DENND4A: variants seen among roughly 807,000 people sequenced by gnomAD.
DENND4A encodes DENN domain containing 4A, also known as C-myc promoter-binding protein.
In DENND4A, 70 loss-of-function variants were observed where a neutral mutation model predicts 199.3. The ratio of observed to expected loss-of-function variants is 0.35; its 90% CI spans 0.29 to 0.43. DENND4A has a LOEUF of 0.43. Among genes scored for constraint, DENND4A ranks in the 20% least tolerant of loss-of-function variants. The pLI is 1.00. For missense variants in DENND4A, 1,723 were observed against 2,255.8 expected (o/e 0.76, Z 4.78); for synonymous variants, 686 against 766.9 (o/e 0.89, Z 1.74).
chr15:65,697,371 T>A lies in DENND4A; in HGVS notation c.2846A>T (p.Asp949Val). Residue 949 changes from aspartate (D) to valine (V), a missense_variant, in exon 21 of 33, where the codon GAT becomes GTT. Transcript: ENST00000443035. ...TTTAGATAATGAATTATATCCAAGA[T>A]CAGACTGGCCACCTGGTAAAAACAA... ...DDRSSTGGQSDLGYNSLSKDE... is the reference protein window; with the variant it reads ...DDRSSTGGQSVLGYNSLSKDE... 6.3e-7 allele frequency: 1 copy of A among 1,599,976 alleles called. No individual in the cohort carries two copies. Among genetic ancestry groups the A allele is most frequent in the Non-Finnish European group, 8.5e-7 (1 of 1,173,150 alleles).
chr15:65,685,083 TC>T (rs1223729342), intron 23 of DENND4A, among the ~76,000 whole-genome samples: 1 of 151,632 alleles, frequency 6.6e-6, no homozygotes, highest in Non-Finnish European at 1.5e-5. Context: ...CGCCTCAGCC[TC>T]CCAAAGTTCT....
At chr15:65,771,624 G>A in intron 1 of DENND4A, 1 of 1,612,370 alleles carries the variant, frequency 6.2e-7, no homozygotes, top group South Asian at 1.1e-5. Context: ...TGTCAATGCT[G>A]ATGTTGTTGG....
intron 1 of DENND4A, chr15:65,766,791 G>A (rs2076999196): frequency 6.6e-6 from 1 of 152,162 alleles, no homozygotes; most frequent in Non-Finnish European, 1.5e-5. Flanking sequence ...CTAAGTTCCA[G>A]ACCGAAAATA....
rs1457092281 is a variant in DENND4A, at chr15:65,706,506, A to T, written c.1954-282T>A. ...CACACACACACACACATATATATAT[A>T]TATTTTTTTTTGAGACAGTCTTGCT... On this transcript the variant is annotated intron_variant, in intron 14 of 32. Transcript: ENST00000443035. 1.1e-3 allele frequency among the ~76,000 whole-genome samples: 144 copies of T among 126,660 alleles called. 2 individuals are homozygous for T. The highest frequency in any genetic ancestry group is 8.5e-3 in the East Asian group (16 of 1,884). The allele number at this position is 126,660 out of a possible 152,430, so 83.1% of individuals were successfully genotyped here.
At chr15:65,790,471 G>T (rs1567115909) in intron 1 of DENND4A, among the ~76,000 whole-genome samples, 1 of 152,074 alleles carries the variant, frequency 6.6e-6, no homozygotes, top group African/African-American at 2.4e-5. Flanking sequence ...AATGGAAGGG[G>T]CTTAAAAAAT....
intron 5 of DENND4A, among the ~76,000 whole-genome samples, chr15:65,740,529 T>C (rs774580358): frequency 2.0e-5 from 3 of 150,008 alleles, no homozygotes; most frequent in Non-Finnish European, 4.4e-5. Context: ...CTTGGGAGGC[T>C]GATGTGGGAG....
chr15:65,675,692 T>C (rs966568025), intron 24 of DENND4A, among the ~76,000 whole-genome samples: 3 of 152,080 alleles, frequency 2.0e-5, no homozygotes, highest in East Asian at 3.9e-4. Context: ...CTGACTGAAA[T>C]ACATTCCTCA....
chr15:65,756,203 A>G lies in DENND4A; in HGVS notation c.248T>C (p.Val83Ala), dbSNP rs2076697694. 4 of 1,611,742 alleles carry G rather than the reference A, an allele frequency of 2.5e-6. No homozygotes were observed. Among genetic ancestry groups the G allele is most frequent in the Non-Finnish European group, 1.7e-6 (2 of 1,178,824 alleles). ...ATAGCAAAGGTAAATCTGTGGCCCC[A>G]CAAGACTTCCATTATTAAGATCAGC... ...LSADLNNGSL[V>A]GPQIYLCYRR... Residue 83 changes from valine to alanine, a missense_variant, in exon 3 of 33, where the codon GTG becomes GCG. Val to Ala is a moderately conservative substitution (Grantham distance 64). Transcript: ENST00000443035.
intron 14 of DENND4A, among the ~76,000 whole-genome samples, chr15:65,708,901 C>T (rs774938659): frequency 6.6e-6 from 1 of 152,208 alleles, no homozygotes; most frequent in African/African-American, 2.4e-5. Flanking sequence ...ATGAAACTCA[C>T]ATAATTCTCA....
At chr15:65,754,977 T>A (rs2076662688) in intron 3 of DENND4A, among the ~76,000 whole-genome samples, 1 of 152,238 alleles carries the variant, frequency 6.6e-6, no homozygotes, top group African/African-American at 2.4e-5. Flanking sequence ...GCAATATTAT[T>A]TATAATAGCC....
intron 22 of DENND4A, among the ~76,000 whole-genome samples, chr15:65,694,374 A>G (rs2077071346): frequency 6.6e-6 from 1 of 151,984 alleles, no homozygotes; most frequent in African/African-American, 2.4e-5. Context: ...GCTTGAACCC[A>G]GGAAGCAGAG....
intron 11 of DENND4A, among the ~76,000 whole-genome samples, chr15:65,726,884 A>G (rs1004216947): frequency 3.3e-5 from 5 of 152,052 alleles, no homozygotes; most frequent in African/African-American, 1.2e-4. Flanking sequence ...TGAACCTGGA[A>G]GGAAGAGGTT....
At chr15:65,679,204 T>C (rs897155447) in intron 23 of DENND4A, among the ~76,000 whole-genome samples, 11 of 151,800 alleles carry the variant, frequency 7.2e-5, no homozygotes, top group Non-Finnish European at 1.2e-4. Flanking sequence ...CAGGTTCAAG[T>C]GATTCTCCTG....
chr15:65,715,387 C>T (rs370060811), intron 14 of DENND4A, 91 bp downstream of exon 14: 1 of 1,227,920 alleles, frequency 8.1e-7, no homozygotes. Context: ...ATTTCAATTT[C>T]ATTAAAAGCT....
Position 65,690,509 on chromosome 15 carries a change from A to G in DENND4A, c.4085T>C (p.Val1362Ala), listed in dbSNP as rs2076936250. 1 of 1,613,290 alleles carries G rather than the reference A, an allele frequency of 6.2e-7. No individual in the cohort carries two copies. Among genetic ancestry groups the G allele is most frequent in the East Asian group, 2.2e-5 (1 of 44,864 alleles). ...AGCAGTGAACATACTGTTTCTTAGA[A>G]CATCTAGTTTAGGTACTAGTAGTGT... Reference protein sequence around the residue: ...LDTLLVPKLDVLRNSMFTAGK... With the variant: ...LDTLLVPKLDALRNSMFTAGK... Residue 1362 changes from valine to alanine, a missense_variant, in exon 23 of 33, where the codon GTT becomes GCT. Val to Ala is a moderately conservative substitution (Grantham distance 64). Coordinates refer to ENST00000443035, the MANE Select transcript of DENND4A (RefSeq NM_001320835.1).
At chr15:65,732,662 TC>T in intron 8 of DENND4A, 89 bp downstream of exon 8, 1 of 775,118 alleles carries the variant, frequency 1.3e-6, no homozygotes, top group Non-Finnish European at 2.1e-6. Context: ...TAGGTTTTTT[TC>T]CTCATTCAGA....
intron 22 of DENND4A, among the ~76,000 whole-genome samples, chr15:65,691,809 T>C (rs1475838126): frequency 8.5e-5 from 13 of 152,126 alleles, no homozygotes; most frequent in Admixed American, 8.5e-4. Flanking sequence ...ATAAAGGGTA[T>C]GCTCCTAGAC....
chr15:65,698,435 A>G (rs937988318), intron 20 of DENND4A, among the ~76,000 whole-genome samples: 4 of 152,174 alleles, frequency 2.6e-5, no homozygotes, highest in African/African-American at 9.6e-5. Flanking sequence ...TTAAGTAACA[A>G]TGTAATCTTT....
chr15:65,782,292 T>C (rs1596701218), intron 1 of DENND4A, among the ~76,000 whole-genome samples: 1 of 152,302 alleles, frequency 6.6e-6, no homozygotes, highest in African/African-American at 2.4e-5. Flanking sequence ...ATATTCCTCT[T>C]TCCTCACTCA....
Sources: gnomAD v4.1 joint callset for allele counts (sites outside exome capture counted in the v4.1 genomes callset) on GRCh38, gnomAD v4.1.1 for gene constraint, MANE v1.5 for transcripts, NCBI Gene and HGNC (gene_info 2026-07-23, HGNC 2026-07-21) for gene names.